Variants in FARP1 observed in about 807,000 individuals in gnomAD.
FARP1 encodes FERM, ARHGEF and pleckstrin domain-containing protein 1.
FARP1 carries 52 observed loss-of-function variants against 128.8 expected under a neutral mutation model. The observed-to-expected ratio is 0.40, with a 90% CI of 0.32 to 0.51. The LOEUF is 0.51. Ranked by LOEUF, FARP1 falls within the 20% of genes least tolerant of loss-of-function variation. The pLI, the probability that FARP1 is intolerant of heterozygous loss-of-function variation, is 0.45. For missense variants in FARP1, 1,333 were observed against 1,367.9 expected, an observed-to-expected ratio of 0.97 and a Z score of 0.40; for synonymous variants, 580 against 551.8, an observed-to-expected ratio of 1.05 and a Z score of -0.72.
chr13:98,374,644 C>G (rs1266481020), intron 5 of FARP1, among the ~76,000 whole-genome samples: 3 of 152,218 alleles, frequency 2.0e-5, no homozygotes, highest in Non-Finnish European at 2.9e-5. Context: ...ACTTGTTCCT[C>G]TATCCTTTGT....
At chr13:98,290,054 CTTT>C (rs57453120) in intron 2 of FARP1, among the ~76,000 whole-genome samples, 12 of 136,180 alleles carry the variant, frequency 8.8e-5, no homozygotes, top group Non-Finnish European at 8.0e-5. Flanking sequence ...GGAGATTTAT[CTTT>C]TTTTTTTTTT....
At chr13:98,429,663 C>T (rs1414344305) in intron 17 of FARP1, among the ~76,000 whole-genome samples, 1 of 152,094 alleles carries the variant, frequency 6.6e-6, no homozygotes, top group Non-Finnish European at 1.5e-5. Flanking sequence ...ATGCGGGGGC[C>T]CCAGCTGAGG....
chr13:98,295,306 T>A (rs1885637077), intron 2 of FARP1, among the ~76,000 whole-genome samples: 1 of 151,616 alleles, frequency 6.6e-6, no homozygotes. Flanking sequence ...TTTAGAGGAG[T>A]CATGGCAGCA....
At chr13:98,258,810 C>A (rs573142265) in intron 2 of FARP1, among the ~76,000 whole-genome samples, 2 of 152,130 alleles carry the variant, frequency 1.3e-5, no homozygotes. Flanking sequence ...ATCAGGCAAC[C>A]CAGGAATGCT....
In FARP1 at chr13:98,440,183, G is replaced by GCC. The variant is rs1308359596; in HGVS notation, c.2577_2578insCC (p.Lys860ProfsTer35). ...TCCAGATGGCCATTGACCTGGCGGA[G>GCC]AAGAGCAGCAGCCCCGCCCCTGAGT... On this transcript the variant is annotated frameshift_variant, in exon 23 of 27. Transcript: ENST00000319562. LOFTEE classifies it high-confidence loss of function. 2.5e-6 allele frequency: 4 copies of GCC among 1,614,122 alleles called. No homozygotes were observed. Among genetic ancestry groups the GCC allele is most frequent in the Non-Finnish European group, 3.4e-6 (4 of 1,180,032 alleles).
intron 24 of FARP1, among the ~76,000 whole-genome samples, chr13:98,441,182 G>A (rs1594543223): frequency 6.6e-6 from 1 of 152,186 alleles, no homozygotes; most frequent in Admixed American, 6.5e-5. Context: ...CACAGCTGCT[G>A]GACAGTTCCA....
chr13:98,349,853 G>C (rs1378320442), intron 3 of FARP1, among the ~76,000 whole-genome samples: 2 of 152,066 alleles, frequency 1.3e-5, no homozygotes, highest in African/African-American at 2.4e-5. Context: ...GCTTTTGAGG[G>C]GCAGGAGGTC....
intron 2 of FARP1, among the ~76,000 whole-genome samples, chr13:98,275,044 G>T (rs796807057): frequency 2.6e-5 from 4 of 152,296 alleles, no homozygotes; most frequent in African/African-American, 9.6e-5. Flanking sequence ...GAGTGAGTCA[G>T]TGAATTATCT....
chr13:98,409,092 C>T (rs1594502407), intron 13 of FARP1, among the ~76,000 whole-genome samples: 1 of 152,246 alleles, frequency 6.6e-6, no homozygotes, highest in East Asian at 1.9e-4. Flanking sequence ...TAATTGCTAT[C>T]TAAGCAGAGT....
intron 2 of FARP1, among the ~76,000 whole-genome samples, chr13:98,240,515 G>A (rs1411278450): frequency 6.6e-6 from 1 of 152,226 alleles, no homozygotes; most frequent in Non-Finnish European, 1.5e-5. Flanking sequence ...TGCATTCTAT[G>A]ACAAGTTGAC....
At chr13:98,263,858 T>TCC (rs369691299) in intron 2 of FARP1, among the ~76,000 whole-genome samples, 3 of 151,464 alleles carry the variant, frequency 2.0e-5, no homozygotes, top group African/African-American at 4.9e-5. Context: ...TTTTTAGTGC[T>TCC]CCCCCCCCAA....
intron 2 of FARP1, among the ~76,000 whole-genome samples, chr13:98,248,189 T>C (rs1354477379): frequency 2.6e-5 from 4 of 152,126 alleles, no homozygotes; most frequent in Admixed American, 1.3e-4. Context: ...ATATCTGGCA[T>C]GAGTAAAGGA....
rs746422723 is a variant in FARP1, at chr13:98,368,093, ACTT to A, written c.320-20_320-18del. ...TGAAACACAAATCAGTAAATGCTTTACTTCTTTTTTTCTTCTTCTTTAGGGCCA... is the reference window on the plus strand; with the variant it reads ...TGAAACACAAATCAGTAAATGCTTTACTTTTTTTCTTCTTCTTTAGGGCCA... On this transcript the variant is annotated intron_variant, in intron 4 of 26. Coordinates refer to ENST00000319562, the MANE Select transcript of FARP1 (RefSeq NM_005766.4). 24 of 1,588,102 alleles carry A rather than the reference ACTT, an allele frequency of 1.5e-5. No homozygotes were observed. In the African/African-American group the frequency reaches 3.1e-4, roughly 20 times the overall value.
chr13:98,452,337 GA>G lies in FARP1; in HGVS notation c.*4023del, dbSNP rs1893240313. On this transcript the variant is annotated 3_prime_UTR_variant, in exon 27 of 27. Coordinates refer to ENST00000319562, the MANE Select transcript of FARP1 (RefSeq NM_005766.4). ...GTCAGACGAGAGCGCTTCATGGGGA[GA>G]AACTGAAAATTATAATTTAAAGCTT... 1 of 152,520 alleles carries G rather than the reference GA, an allele frequency of 6.6e-6. No individual in the cohort carries two copies. Among genetic ancestry groups the G allele is most frequent in the Non-Finnish European group, 1.5e-5 (1 of 68,046 alleles). The allele number at this position is 152,520 out of a possible 1,614,324, so 9.4% of individuals were successfully genotyped here. A position where few individuals can be genotyped will look rare whatever the true frequency, so the allele number is the denominator to read the frequency against.
intron 1 of FARP1, among the ~76,000 whole-genome samples, chr13:98,185,633 A>C (rs1878809158): frequency 7.3e-6 from 1 of 137,566 alleles, no homozygotes. Flanking sequence ...GGTGATTTTG[A>C]TTCTGATAAT....
chr13:98,203,979 T>C (rs1880112155), intron 1 of FARP1: 1 of 152,266 alleles, frequency 6.6e-6, no homozygotes, highest in African/African-American at 2.4e-5. Context: ...CGTATACCCT[T>C]GACCGAAAAC....
Position 98,268,631 on chromosome 13 carries a change from C to G in FARP1, c.171+55218C>G, listed in dbSNP as rs574336194. Among the ~76,000 whole-genome samples the G allele has an allele frequency of 3.0e-3, 454 of 152,200 alleles. 4 individuals carry two copies. The highest frequency in any genetic ancestry group is 0.01 in the African/African-American group (434 of 41,534). On this transcript the variant is annotated intron_variant, in intron 2 of 26. Transcript: ENST00000319562. ...TACAGGCGCCCACCAACACGCCCGG[C>G]TAATTTTTGTATTTTTAGTAGAGAC... is the stretch of plus-strand genomic sequence containing the variant.
intron 13 of FARP1, among the ~76,000 whole-genome samples, chr13:98,407,912 A>G (rs551102191): frequency 1.6e-4 from 24 of 152,286 alleles, no homozygotes; most frequent in Non-Finnish European, 2.8e-4. Context: ...TGTAATTCCA[A>G]AATGCACATG....
chr13:98,200,632 C>T (rs747933161), intron 1 of FARP1, among the ~76,000 whole-genome samples: 3 of 152,088 alleles, frequency 2.0e-5, no homozygotes, highest in Non-Finnish European at 4.4e-5. Context: ...CTAGCACTTA[C>T]GCAAGAAAAG....
Sources: gnomAD v4.1 joint callset for allele counts (sites outside exome capture counted in the v4.1 genomes callset) on GRCh38, gnomAD v4.1.1 for gene constraint, MANE v1.5 for transcripts, NCBI Gene and HGNC (gene_info 2026-07-23, HGNC 2026-07-21) for gene names.